Variants in MAGI2 observed in about 807,000 individuals in gnomAD.
The protein encoded by MAGI2 is membrane-associated guanylate kinase, WW and PDZ domain-containing protein 2.
In MAGI2, 35 loss-of-function variants were observed where a neutral mutation model predicts 133.3. That is an observed-to-expected ratio of 0.26 (90% CI 0.20 to 0.35). MAGI2 has a LOEUF of 0.35. Ranked by LOEUF, MAGI2 falls within the 10% of genes least tolerant of loss-of-function variation. The pLI is 1.00. For synonymous variants in MAGI2, 729 were observed against 710.6 expected (o/e 1.03, Z -0.41); for missense variants, 1,636 against 1,863.4 (o/e 0.88, Z 2.25).
chr7:78,247,760 G>C lies in MAGI2; in HGVS notation c.2047+8183C>G, dbSNP rs200987356. On this transcript the variant is annotated intron_variant, in intron 10 of 21. Transcript: ENST00000354212. ...CTTTTGAAATTACCCAATCAGAGGG[G>C]AAAACAAAAACAAAAACCCAAAACA... Among the ~76,000 whole-genome samples the C allele has an allele frequency of 6.6e-5, 10 of 152,076 alleles. No individual in the cohort carries two copies. The East Asian group carries it at 1.5e-3, about 23-fold the overall frequency.
chr7:78,644,495 T>C lies in MAGI2; in HGVS notation c.419-17256A>G, dbSNP rs574349064. Among the ~76,000 whole-genome samples the C allele has an allele frequency of 7.2e-5, 11 of 152,148 alleles. 1 individual carries two copies. The South Asian group carries it at 2.1e-3, about 29-fold the overall frequency. On this transcript the variant is annotated intron_variant, in intron 2 of 21. Transcript: ENST00000354212. Reference sequence around the variant, plus strand: ...ACAATAAAATTAATTTAGAAACCAATAACAGAAATATATCTGGAAAAGCCT... The same window carrying C: ...ACAATAAAATTAATTTAGAAACCAACAACAGAAATATATCTGGAAAAGCCT...
chr7:79,119,790 A>G (rs1819727326), intron 1 of MAGI2, among the ~76,000 whole-genome samples: 1 of 152,052 alleles, frequency 6.6e-6, no homozygotes, highest in Admixed American at 6.6e-5. Context: ...TCAGCTATCT[A>G]CAGTATGTTA....
chr7:78,741,376 A>AAC (rs55784786), intron 2 of MAGI2, among the ~76,000 whole-genome samples: 2,341 of 117,440 alleles, frequency 0.02, 31 homozygotes, highest in African/African-American at 0.027. Context: ...AAAAAGTTGA[A>AAC]ACACACACAC....
intron 2 of MAGI2, among the ~76,000 whole-genome samples, chr7:78,788,373 T>C (rs1420081416): frequency 6.6e-6 from 1 of 152,174 alleles, no homozygotes; most frequent in Non-Finnish European, 1.5e-5. Flanking sequence ...CAAAATGCAT[T>C]TTCATCTTTC....
intron 6 of MAGI2, among the ~76,000 whole-genome samples, chr7:78,478,701 C>T (rs1405818078): frequency 6.6e-6 from 1 of 151,902 alleles, no homozygotes; most frequent in Non-Finnish European, 1.5e-5. Flanking sequence ...AACAGACATT[C>T]ACAAAAGACC....
At chr7:78,660,321 A>G (rs934429486) in intron 2 of MAGI2, among the ~76,000 whole-genome samples, 4 of 152,192 alleles carry the variant, frequency 2.6e-5, no homozygotes, top group African/African-American at 9.6e-5. Flanking sequence ...TGTGGCAAGT[A>G]TACCTCTTTA....
chr7:79,183,535 T>C (rs539459717), intron 1 of MAGI2, among the ~76,000 whole-genome samples: 4 of 151,996 alleles, frequency 2.6e-5, no homozygotes, highest in East Asian at 3.9e-4. Flanking sequence ...TTATTAGATA[T>C]ATATTCCACA....
intron 13 of MAGI2, among the ~76,000 whole-genome samples, chr7:78,179,143 T>C (rs894479005): frequency 2.0e-5 from 3 of 152,242 alleles, no homozygotes; most frequent in African/African-American, 4.8e-5. Flanking sequence ...TTTATTATGC[T>C]GTCTCTTGCT....
At chr7:78,924,312 T>A (rs973214703) in intron 2 of MAGI2, among the ~76,000 whole-genome samples, 1 of 152,188 alleles carries the variant, frequency 6.6e-6, no homozygotes, top group Non-Finnish European at 1.5e-5. Context: ...GCCCATTCAG[T>A]ATGATATTGG....
At chr7:79,006,171 T>C (rs1807421458) in intron 2 of MAGI2, among the ~76,000 whole-genome samples, 1 of 152,176 alleles carries the variant, frequency 6.6e-6, no homozygotes, top group South Asian at 2.1e-4. Context: ...CAACCCTACA[T>C]AATAATTTTT....
At chr7:78,051,808 C>T (rs1812033092) in intron 21 of MAGI2, among the ~76,000 whole-genome samples, 1 of 151,712 alleles carries the variant, frequency 6.6e-6, no homozygotes, top group Non-Finnish European at 1.5e-5. Context: ...TGGTCTTGAA[C>T]CCCTGGCCTC....
intron 3 of MAGI2, among the ~76,000 whole-genome samples, chr7:78,581,003 A>T (rs772055061): frequency 6.6e-6 from 1 of 152,216 alleles, no homozygotes; most frequent in Non-Finnish European, 1.5e-5. Context: ...GTTCTCATTT[A>T]TAGTCTTTTT....
intron 3 of MAGI2, among the ~76,000 whole-genome samples, chr7:78,584,138 G>A (rs73143137): frequency 0.087 from 13,272 of 152,058 alleles, 676 homozygotes; most frequent in African/African-American, 0.14. Flanking sequence ...AAAGGACACT[G>A]GGGCCGGGCA....
intron 3 of MAGI2, among the ~76,000 whole-genome samples, chr7:78,595,443 T>C (rs1215564326): frequency 1.3e-5 from 2 of 152,148 alleles, no homozygotes; most frequent in African/African-American, 4.8e-5. Flanking sequence ...ATCTAACAAG[T>C]TTAATTATTA....
intron 2 of MAGI2, among the ~76,000 whole-genome samples, chr7:78,931,712 A>G (rs1800135374): frequency 6.6e-6 from 1 of 152,166 alleles, no homozygotes; most frequent in Admixed American, 6.6e-5. Context: ...CAGAAAGATT[A>G]AAAGCCAGAA....
intron 1 of MAGI2, among the ~76,000 whole-genome samples, chr7:79,294,225 G>A (rs1430070485): frequency 6.6e-6 from 1 of 151,300 alleles, no homozygotes; most frequent in African/African-American, 2.4e-5. Flanking sequence ...GAATATGTAT[G>A]GTGATGTTGT....
chr7:78,471,263 G>T (rs1791178561), intron 6 of MAGI2, among the ~76,000 whole-genome samples: 1 of 152,156 alleles, frequency 6.6e-6, no homozygotes, highest in Non-Finnish European at 1.5e-5. Context: ...GACATGAGAA[G>T]AAAAGTCTGA....
chr7:78,322,541 A>G (rs1035046648), intron 9 of MAGI2, among the ~76,000 whole-genome samples: 2 of 152,176 alleles, frequency 1.3e-5, no homozygotes, highest in African/African-American at 4.8e-5. Flanking sequence ...GTTCTTACTT[A>G]TAAGTGGGAG....
intron 2 of MAGI2, among the ~76,000 whole-genome samples, chr7:78,722,949 C>A (rs1197932240): frequency 6.6e-6 from 1 of 151,840 alleles, no homozygotes; most frequent in African/African-American, 2.4e-5. Context: ...GTTGGCTTAT[C>A]TAGTTGATGC....
Sources: gnomAD v4.1 joint callset for allele counts (sites outside exome capture counted in the v4.1 genomes callset) on GRCh38, gnomAD v4.1.1 for gene constraint, MANE v1.5 for transcripts, NCBI Gene and HGNC (gene_info 2026-07-23, HGNC 2026-07-21) for gene names.